CFAP299: variants seen among roughly 807,000 people sequenced by gnomAD.
CFAP299 encodes cilia- and flagella-associated protein 299.
CFAP299 carries 21 observed loss-of-function variants against 27.0 expected under a neutral mutation model. The ratio of observed to expected loss-of-function variants is 0.78; its 90% confidence interval spans 0.55 to 1.12. The LOEUF is 1.12. CFAP299 is among the 50% of genes most tolerant of loss of function. The probability of loss-of-function intolerance (pLI) is 0.00; values close to 1 mark genes in which losing one functional copy is unlikely to be tolerated. For missense variants in CFAP299, 310 were observed against 276.6 expected (o/e 1.12, Z -0.86); for synonymous variants, 104 against 98.1 (o/e 1.06, Z -0.36).
intron 3 of CFAP299, among the ~76,000 whole-genome samples, chr4:80,662,288 C>A (rs1220819757): frequency 6.6e-6 from 1 of 152,000 alleles, no homozygotes; most frequent in Non-Finnish European, 1.5e-5. Flanking sequence ...TGTGATGTCT[C>A]CCCTGGACAC....
intron 3 of CFAP299, among the ~76,000 whole-genome samples, chr4:80,730,479 G>T (rs1195793736): frequency 1.3e-5 from 2 of 151,382 alleles, no homozygotes; most frequent in Admixed American, 1.3e-4. Context: ...GAGCTCTTTT[G>T]TTAGGGCCTC....
intron 4 of CFAP299, among the ~76,000 whole-genome samples, chr4:80,894,680 G>A (rs78642994): frequency 0.067 from 10,180 of 151,826 alleles, 724 homozygotes; most frequent in African/African-American, 0.16. Context: ...CCAACAATTC[G>A]ACTTCTGCAT....
chr4:80,409,981 G>A (rs1726637116), intron 2 of CFAP299, among the ~76,000 whole-genome samples: 2 of 152,174 alleles, frequency 1.3e-5, no homozygotes, highest in East Asian at 1.9e-4. Flanking sequence ...AAGGTCCAGC[G>A]AAGATCAGCA....
chr4:80,375,439 G>T, intron 2 of CFAP299, among the ~76,000 whole-genome samples: 1 of 151,852 alleles, frequency 6.6e-6, no homozygotes, highest in African/African-American at 2.4e-5. Context: ...ACCTTGTGTT[G>T]GGCCTGTCTG....
intron 3 of CFAP299, among the ~76,000 whole-genome samples, chr4:80,649,687 C>G (rs948201615): frequency 6.6e-6 from 1 of 151,970 alleles, no homozygotes; most frequent in Non-Finnish European, 1.5e-5. Context: ...ACTTTTAGAT[C>G]AAAAACTGTG....
intron 2 of CFAP299, among the ~76,000 whole-genome samples, chr4:80,472,199 G>A (rs1451680611): frequency 6.6e-6 from 1 of 152,088 alleles, no homozygotes; most frequent in Non-Finnish European, 1.5e-5. Flanking sequence ...CCCCATTTGT[G>A]TCTCTTGGAA....
intron 2 of CFAP299, among the ~76,000 whole-genome samples, chr4:80,545,492 A>G (rs1251625967): frequency 1.3e-5 from 2 of 152,162 alleles, no homozygotes; most frequent in African/African-American, 4.8e-5. Context: ...ACAAATTCGA[A>G]AACCTAGAAG....
chr4:80,669,749 G>T (rs1430626919), intron 3 of CFAP299, among the ~76,000 whole-genome samples: 1 of 151,770 alleles, frequency 6.6e-6, no homozygotes, highest in African/African-American at 2.4e-5. Flanking sequence ...TGGTGAAAGT[G>T]GGCAACCTTG....
chr4:80,749,678 G>T (rs927867210), intron 3 of CFAP299, among the ~76,000 whole-genome samples: 1 of 152,184 alleles, frequency 6.6e-6, no homozygotes, highest in East Asian at 1.9e-4. Context: ...AGAGTCTGAC[G>T]TTTGAGGGCA....
At chr4:80,466,044 A>G (rs1473652485) in intron 2 of CFAP299, among the ~76,000 whole-genome samples, 3 of 152,224 alleles carry the variant, frequency 2.0e-5, no homozygotes, top group Non-Finnish European at 4.4e-5. Flanking sequence ...GGTCCAGAGA[A>G]GTGCAGCAAT....
In CFAP299 at chr4:80,822,674, G is replaced by A. The variant is rs532640329; in HGVS notation, c.334-47319G>A. On this transcript the variant is annotated intron_variant, in intron 3 of 5. Coordinates refer to ENST00000358105, the MANE Select transcript of CFAP299 (RefSeq NM_152770.3). ...AGAGCATAAGCACAGAAAAATTATT[G>A]AACCCAAAGTTGTAACATGATGTAA... Among the ~76,000 whole-genome samples, 9 of 152,176 alleles carry A rather than the reference G, an allele frequency of 5.9e-5. No individual in the cohort carries two copies. The South Asian group carries it at 1.9e-3, about 32-fold the overall frequency.
chr4:80,888,272 T>G (rs190771369), intron 4 of CFAP299, among the ~76,000 whole-genome samples: 101 of 151,772 alleles, frequency 6.7e-4, no homozygotes, highest in African/African-American at 2.3e-3. Flanking sequence ...ACAGATAGAC[T>G]GAAAATAAAG....
intron 4 of CFAP299, among the ~76,000 whole-genome samples, chr4:80,889,949 G>T (rs551736016): frequency 6.6e-6 from 1 of 151,906 alleles, no homozygotes; most frequent in Non-Finnish European, 1.5e-5. Flanking sequence ...AATCCTCAAA[G>T]AACTAGGAAT....
At chr4:80,350,958 A>AT (rs1722986506) in intron 1 of CFAP299, among the ~76,000 whole-genome samples, 1 of 152,164 alleles carries the variant, frequency 6.6e-6, no homozygotes, top group Non-Finnish European at 1.5e-5. Context: ...AAATAAGTAA[A>AT]TAAAAAAAAA....
At chr4:80,751,676 C>A (rs922393724) in intron 3 of CFAP299, among the ~76,000 whole-genome samples, 5 of 152,198 alleles carry the variant, frequency 3.3e-5, no homozygotes, top group Non-Finnish European at 7.3e-5. Context: ...TTTGTATTTG[C>A]CAAAGCCAGC....
intron 3 of CFAP299, among the ~76,000 whole-genome samples, chr4:80,736,478 C>T (rs1390172575): frequency 1.3e-5 from 2 of 151,278 alleles, no homozygotes; most frequent in Non-Finnish European, 3.0e-5. Flanking sequence ...AAAAAAAAAA[C>T]AACCCCATCA....
At chr4:80,783,675 A>G (rs923019956) in intron 3 of CFAP299, among the ~76,000 whole-genome samples, 14 of 152,174 alleles carry the variant, frequency 9.2e-5, no homozygotes, top group Non-Finnish European at 2.1e-4. Context: ...TACATATATT[A>G]TGGCATTTTG....
chr4:80,450,972 C>T (rs191709520), intron 2 of CFAP299, among the ~76,000 whole-genome samples: 11 of 151,660 alleles, frequency 7.3e-5, no homozygotes, highest in Admixed American at 4.0e-4. Flanking sequence ...ATTTTGTACC[C>T]AGCCCTGTAG....
At chr4:80,873,101 T>C (rs1733191004) in intron 4 of CFAP299, 1 of 691,888 alleles carries the variant, frequency 1.4e-6, no homozygotes, top group South Asian at 6.5e-5. Flanking sequence ...TTTGATTTTA[T>C]ATCTTTAACT....
Sources: allele counts gnomAD v4.1 joint callset (sites outside exome capture counted in the v4.1 genomes callset), GRCh38; gene constraint gnomAD v4.1.1; transcripts MANE v1.5; gene names NCBI Gene and HGNC (gene_info 2026-07-23, HGNC 2026-07-21).